Variants in XKR5 observed in about 807,000 individuals in gnomAD.
The protein encoded by XKR5 is XK related 5.
In XKR5, 46 loss-of-function variants were observed where a neutral mutation model predicts 40.8. That is an observed-to-expected ratio of 1.13 (90% CI 0.89 to 1.44). The LOEUF (loss-of-function observed/expected upper bound fraction) is 1.44. XKR5 is among the 40% of genes most tolerant of loss of function. The pLI is 0.00. For missense variants in XKR5, 1,169 were observed against 844.7 expected (o/e 1.38, Z -4.76); for synonymous variants, 466 against 356.1 (o/e 1.31, Z -3.48).
chr8:6,812,483 T>C (rs918509662), intron 6 of XKR5, 144 bp from the exon 7 acceptor site: 4 of 820,244 alleles, frequency 4.9e-6, no homozygotes, highest in Non-Finnish European at 7.4e-6. Context: ...GCCTCAGAAC[T>C]GGATATTTCG....
intron 1 of XKR5, among the ~76,000 whole-genome samples, chr8:6,834,962 C>A (rs1220853203): frequency 6.6e-6 from 1 of 152,198 alleles, no homozygotes; most frequent in Non-Finnish European, 1.5e-5. Context: ...ACCCCTTCTG[C>A]GAGCGGCCTC....
rs777564421 is a variant in XKR5, at chr8:6,832,720, T to G, written c.239A>C (p.Lys80Thr). The G allele has an allele frequency of 5.0e-6, 8 of 1,612,998 alleles. No individual in the cohort carries two copies. The highest frequency in any genetic ancestry group is 6.8e-6 in the Non-Finnish European group (8 of 1,179,520). Reference protein sequence around the residue: ...MLHLLQLGVWKRHWDAALTSL... With the variant: ...MLHLLQLGVWTRHWDAALTSL... ...TGAAAGAGGCAGCTGTTCTTACCGC[T>G]TCCAAACACCAAGCTGTAGGAGGTG... is the stretch of plus-strand genomic sequence containing the variant. Residue 80 changes from lysine to threonine, a missense_variant, in exon 2 of 7, where the codon AAG becomes ACG. By Grantham distance (78) the Lys-to-Thr change is moderately conservative. Transcript: ENST00000618742.
Position 6,835,418 on chromosome 8 carries a change from T to C in XKR5, c.58+18A>G, listed in dbSNP as rs1804968993. On this transcript the variant is annotated intron_variant, in intron 1 of 6. Transcript: ENST00000618742. ...AGGGGCTGCAGGGGTGAGCACAGCC[T>C]CGGGCTGCCGCACTCACGCGCGCTC... 2 of 1,468,342 alleles carry C rather than the reference T, an allele frequency of 1.4e-6. No individual in the cohort carries two copies. Among genetic ancestry groups the C allele is most frequent in the Non-Finnish European group, 1.8e-6 (2 of 1,116,654 alleles). The allele number at this position is 1,468,342 out of a possible 1,614,324, so 91.0% of individuals were successfully genotyped here. A position where few individuals can be genotyped will look rare whatever the true frequency, so the allele number is the denominator to read the frequency against.
intron 4 of XKR5, 104 bp downstream of exon 4, chr8:6,823,416 CT>C (rs1804326225): frequency 3.2e-6 from 4 of 1,244,904 alleles, no homozygotes; most frequent in Middle Eastern, 2.1e-4. Context: ...CCCAGTCAGC[CT>C]TCAGGCCTGG....
chr8:6,815,842 T>C lies in XKR5; in HGVS notation c.884A>G (p.Gln295Arg), dbSNP rs536095661. The C allele has an allele frequency of 1.9e-6, 3 of 1,605,382 alleles. No individual in the cohort carries two copies. In the South Asian group the frequency reaches 3.4e-5, roughly 18 times the overall value. Residue 295 changes from glutamine to arginine, a missense_variant, in exon 6 of 7, where the codon CAG (glutamine) becomes CGG (arginine). Transcript: ENST00000618742. ...FLQGASWTSLQTIAGVLSGFL... is the reference protein window; with the variant it reads ...FLQGASWTSLRTIAGVLSGFL... ...TCCAGACAGGACCCCAGCTATGGTCTGCAGGCTGGTCCACGATGCCCCCTG... is the reference window on the plus strand; with the variant it reads ...TCCAGACAGGACCCCAGCTATGGTCCGCAGGCTGGTCCACGATGCCCCCTG...
chr8:6,823,916 C>T (rs1804352092), intron 3 of XKR5, among the ~76,000 whole-genome samples, 186 bp from the exon 4 acceptor site: 1 of 152,234 alleles, frequency 6.6e-6, no homozygotes, highest in Non-Finnish European at 1.5e-5. Context: ...TGTCCAAATA[C>T]ACCTGTCTAT....
In XKR5 at chr8:6,830,129, G is replaced by A. The variant is rs138039995; in HGVS notation, c.242+2588C>T. On this transcript the variant is annotated intron_variant, in intron 2 of 6. Transcript: ENST00000618742. ...TGGGATTACAGGCGTGAGCCACCGC[G>A]CCAGGCCTCAATCCTTGCATTTTTA... 8.5e-3 allele frequency among the ~76,000 whole-genome samples: 1,292 copies of A among 152,200 alleles called. 20 individuals are homozygous for A. Among genetic ancestry groups the A allele is most frequent in the African/African-American group, 0.03 (1,233 of 41,532 alleles).
intron 6 of XKR5, 30 bp downstream of exon 6, chr8:6,815,777 T>C: frequency 2.1e-6 from 3 of 1,457,178 alleles, no homozygotes; most frequent in East Asian, 2.4e-5. Context: ...GGGGAGGGGA[T>C]GCAGAGAAGA....
intron 3 of XKR5, among the ~76,000 whole-genome samples, chr8:6,824,723 GT>G (rs66595713): frequency 0.11 from 16,515 of 152,028 alleles, 1,363 homozygotes; most frequent in East Asian, 0.29. Context: ...GTAGAGATGG[GT>G]TTTTGCCTGG....
rs1417805942 is a variant in XKR5, at chr8:6,812,125, AG to A, written c.1133del (p.Pro378LeufsTer31). On this transcript the variant is annotated frameshift_variant, in exon 7 of 7. Transcript: ENST00000618742. LOFTEE classifies it low-confidence loss of function (END_TRUNC). ...SYEPTILGKP[P>X]TPEQVPPEAG... is the part of the protein sequence containing the mutation. ...CCTCTGGGGGGACCTGCTCAGGGGT[AG>A]GGGGCTTCCCTAAAATGGTTGGTTC... is the stretch of plus-strand genomic sequence containing the variant. 6.5e-7 allele frequency: 1 copy of A among 1,548,996 alleles called. No homozygotes were observed. Among genetic ancestry groups the A allele is most frequent in the East Asian group, 2.4e-5 (1 of 40,920 alleles).
At chr8:6,825,406 G>A (rs1255475368) in intron 2 of XKR5, 57 bp from the exon 3 acceptor site, 5 of 1,447,284 alleles carry the variant, frequency 3.5e-6, no homozygotes, top group Non-Finnish European at 4.6e-6. Flanking sequence ...GATTCAATAG[G>A]ACGAGCTTTC....
intron 5 of XKR5, among the ~76,000 whole-genome samples, chr8:6,820,401 C>T (rs1804176912): frequency 6.6e-6 from 1 of 152,206 alleles, no homozygotes; most frequent in South Asian, 2.1e-4. Context: ...CTTTCCTTCT[C>T]TAACAGCCCT....
At chr8:6,824,295 G>C (rs561210633) in intron 3 of XKR5, among the ~76,000 whole-genome samples, 335 of 149,718 alleles carry the variant, frequency 2.2e-3, no homozygotes, top group African/African-American at 7.9e-3. Flanking sequence ...GATGAAGATG[G>C]AAGGGGAGAG....
At position 6,825,317 on chromosome 8, in the gene XKR5, T is replaced by C. The variant is rs1160330709; in HGVS notation, c.275A>G (p.Lys92Arg). 6.2e-7 allele frequency: 1 copy of C among 1,600,036 alleles called. No individual in the cohort carries two copies. Among genetic ancestry groups the C allele is most frequent in the African/African-American group, 1.4e-5 (1 of 73,848 alleles). ...HWDAALTSLQ[K>R]ELEAPHRGWL... ...GCCTCGGTGGGGAGCCTCCAGTTCC[T>C]TCTGCAGACTGGTCAGTGCAGCGTC... Residue 92 changes from lysine to arginine, a missense_variant, in exon 3 of 7, where the codon AAG (lysine) becomes AGG (arginine). Physicochemically the swap from Lys to Arg is conservative, Grantham distance 26 (BLOSUM62 2). Transcript: ENST00000618742.
intron 2 of XKR5, among the ~76,000 whole-genome samples, chr8:6,830,213 G>A (rs1286607666): frequency 1.3e-5 from 2 of 152,156 alleles, no homozygotes; most frequent in Admixed American, 1.3e-4. Flanking sequence ...ATTTTGTGAT[G>A]AGGACACTCA....
rs563798606 is a variant in XKR5, at chr8:6,825,933, A to G, written c.243-584T>C. On this transcript the variant is annotated intron_variant, in intron 2 of 6. Coordinates refer to ENST00000618742, the MANE Select transcript of XKR5 (RefSeq NM_207411.5). ...GGCTGGAGCACCATGCGGAGCTTGGAGGCTGATGTGGTCCCGGTGAAGTAG... is the reference window on the plus strand; with the variant it reads ...GGCTGGAGCACCATGCGGAGCTTGGGGGCTGATGTGGTCCCGGTGAAGTAG... Among the ~76,000 whole-genome samples, 13 of 152,234 alleles carry G rather than the reference A, an allele frequency of 8.5e-5. No individual in the cohort carries two copies. In the South Asian group the frequency reaches 2.5e-3, roughly 29 times the overall value.
rs187117381 is a variant in XKR5, at chr8:6,817,600, C to G, written c.808-1682G>C. 2.6e-5 allele frequency among the ~76,000 whole-genome samples: 4 copies of G among 152,226 alleles called. No homozygotes were observed. In the East Asian group the frequency reaches 7.8e-4, roughly 30 times the overall value. Reference sequence around the variant, plus strand: ...ACCTCAGTCTCCTTTAAGTTCCTGCCTGAGAAAGCGCAGTGCTGCCAGGAG... The same window carrying G: ...ACCTCAGTCTCCTTTAAGTTCCTGCGTGAGAAAGCGCAGTGCTGCCAGGAG... On this transcript the variant is annotated intron_variant, in intron 5 of 6. Coordinates refer to ENST00000618742, the MANE Select transcript of XKR5 (RefSeq NM_207411.5).
intron 2 of XKR5, among the ~76,000 whole-genome samples, chr8:6,826,612 G>A (rs148068403): frequency 1.1e-3 from 163 of 152,254 alleles, no homozygotes; most frequent in African/African-American, 3.8e-3. Context: ...GTGCTGGATT[G>A]GCCACGATAT....
At position 6,810,982 on chromosome 8, in the gene XKR5, G is replaced by T. The variant is rs1258018970; in HGVS notation, c.*216C>A. ...TTCTCCTCCTCTAAAGTATGTTAGA[G>T]TCTCTCCTATGCATGGGTGGGGTCT... On this transcript the variant is annotated 3_prime_UTR_variant, in exon 7 of 7. Transcript: ENST00000618742. 4.0e-6 allele frequency: 2 copies of T among 501,218 alleles called. No individual in the cohort carries two copies. Among genetic ancestry groups the T allele is most frequent in the South Asian group, 6.4e-5 (2 of 31,024 alleles). The allele number at this position is 501,218 out of a possible 1,614,324, so 31.0% of individuals were successfully genotyped here.
Sources: gnomAD v4.1 joint callset for allele counts (sites outside exome capture counted in the v4.1 genomes callset) on GRCh38, gnomAD v4.1.1 for gene constraint, MANE v1.5 for transcripts, NCBI Gene and HGNC (gene_info 2026-07-23, HGNC 2026-07-21) for gene names.